The following RPS6KC1 variants were observed in gnomAD, a reference collection of about 807,000 sequenced individuals.
RPS6KC1 encodes inactive ribosomal protein S6 kinase delta-1.
In RPS6KC1, 54 loss-of-function variants were observed where a neutral mutation model predicts 103.8. The observed-to-expected ratio is 0.52, with a 90% CI of 0.42 to 0.65. The LOEUF is 0.65. RPS6KC1 is among the 30% of genes least tolerant of loss of function. The pLI, the probability that RPS6KC1 is intolerant of heterozygous loss-of-function variation, is 0.00. For synonymous variants in RPS6KC1, 439 were observed against 438.7 expected (o/e 1.00, Z -0.01); for missense variants, 1,151 against 1,253.8 (o/e 0.92, Z 1.24).
the RPS6KC1 span, among the ~76,000 whole-genome samples, chr1:213,752,251 A>G: frequency 6.6e-6 from 1 of 152,118 alleles, no homozygotes; most frequent in African/African-American, 2.4e-5. Context: ...GTTGACCTAG[A>G]CTAGGGTCGG....
At chr1:213,604,387 C>T in the RPS6KC1 span, among the ~76,000 whole-genome samples, 1 of 152,344 alleles carries the variant, frequency 6.6e-6, no homozygotes, top group Non-Finnish European at 1.5e-5. Flanking sequence ...ACGTATTAAT[C>T]CCCTATTTGT....
chr1:213,126,369 G>A (rs1224510442), intron 5 of RPS6KC1, among the ~76,000 whole-genome samples: 1 of 151,946 alleles, frequency 6.6e-6, no homozygotes, highest in South Asian at 2.1e-4. Context: ...TGAGATTGTC[G>A]GTTTAATGAA....
the RPS6KC1 span, among the ~76,000 whole-genome samples, chr1:213,589,590 C>T: frequency 5.3e-5 from 8 of 150,274 alleles, no homozygotes; most frequent in East Asian, 7.8e-4. Context: ...TGCAGTGAGC[C>T]GAGATTGCGC....
the RPS6KC1 span, among the ~76,000 whole-genome samples, chr1:213,339,995 C>CA: frequency 3.3e-5 from 5 of 152,196 alleles, no homozygotes; most frequent in East Asian, 3.9e-4. Context: ...TGGGTTCAAG[C>CA]AATTCTCCTG....
At chr1:213,476,640 T>C in the RPS6KC1 span, among the ~76,000 whole-genome samples, 1 of 152,200 alleles carries the variant, frequency 6.6e-6, no homozygotes, top group Non-Finnish European at 1.5e-5. Flanking sequence ...AGCTCACACA[T>C]GTTTTAACTC....
chr1:213,706,686 T>C, the RPS6KC1 span, among the ~76,000 whole-genome samples: 1 of 152,174 alleles, frequency 6.6e-6, no homozygotes, highest in Admixed American at 6.5e-5. Context: ...CTTCTAATGC[T>C]ATTCCTCCCC....
the RPS6KC1 span, among the ~76,000 whole-genome samples, chr1:213,357,997 G>A: frequency 6.6e-6 from 1 of 152,218 alleles, no homozygotes. Context: ...CTTGATCATG[G>A]TGGATAAGCT....
At chr1:213,743,578 T>A in the RPS6KC1 span, among the ~76,000 whole-genome samples, 5 of 152,184 alleles carry the variant, frequency 3.3e-5, no homozygotes, top group Non-Finnish European at 7.3e-5. Flanking sequence ...CTGACTTCAA[T>A]GCCATTTGTT....
the RPS6KC1 span, among the ~76,000 whole-genome samples, chr1:213,583,299 A>G: frequency 6.6e-6 from 1 of 152,220 alleles, no homozygotes; most frequent in African/African-American, 2.4e-5. Flanking sequence ...TGGGCTGCAT[A>G]GTAAGTGTTT....
the RPS6KC1 span, among the ~76,000 whole-genome samples, chr1:213,535,793 G>C: frequency 6.6e-6 from 1 of 152,128 alleles, no homozygotes; most frequent in African/African-American, 2.4e-5. Flanking sequence ...TCTTCCTGTG[G>C]CTCTCTTTTA....
At chr1:213,823,650 AT>A in the RPS6KC1 span, among the ~76,000 whole-genome samples, 1 of 150,988 alleles carries the variant, frequency 6.6e-6, no homozygotes, top group Non-Finnish European at 1.5e-5. Context: ...TGCCATTTCC[AT>A]TTTCTCCAGC....
At chr1:213,356,738 C>T in the RPS6KC1 span, among the ~76,000 whole-genome samples, 3 of 152,196 alleles carry the variant, frequency 2.0e-5, no homozygotes, top group Non-Finnish European at 4.4e-5. Context: ...CATCACTACA[C>T]CGGAAGCTGC....
chr1:213,568,288 A>G, the RPS6KC1 span, among the ~76,000 whole-genome samples: 1 of 152,106 alleles, frequency 6.6e-6, no homozygotes, highest in Non-Finnish European at 1.5e-5. Context: ...CTAGGATGTT[A>G]TTTGCTCTAC....
intron 12 of RPS6KC1, among the ~76,000 whole-genome samples, chr1:213,244,817 G>GCATTCAAAT (rs1266882748): frequency 6.6e-6 from 1 of 152,162 alleles, no homozygotes; most frequent in East Asian, 1.9e-4. Flanking sequence ...TCCTCTTCCA[G>GCATTCAAAT]GTTGTCCTTC....
At chr1:213,537,899 T>C in the RPS6KC1 span, among the ~76,000 whole-genome samples, 15 of 152,160 alleles carry the variant, frequency 9.9e-5, no homozygotes, top group Non-Finnish European at 8.8e-5. Flanking sequence ...CATGGTCACT[T>C]TTTGGCTTTC....
At chr1:213,689,408 A>G in the RPS6KC1 span, among the ~76,000 whole-genome samples, 2 of 152,218 alleles carry the variant, frequency 1.3e-5, no homozygotes, top group Non-Finnish European at 2.9e-5. Flanking sequence ...CAGCTGGCTG[A>G]AAGGGCGTGA....
chr1:213,793,561 G>C, the RPS6KC1 span, among the ~76,000 whole-genome samples: 2 of 152,066 alleles, frequency 1.3e-5, no homozygotes, highest in African/African-American at 4.8e-5. Flanking sequence ...ATTAGGCACC[G>C]AGCTGCCCAT....
the RPS6KC1 span, among the ~76,000 whole-genome samples, chr1:213,283,636 A>G: frequency 6.6e-6 from 1 of 152,116 alleles, no homozygotes; most frequent in African/African-American, 2.4e-5. Context: ...AGCTCGAGAT[A>G]GGGGGGATTA....
the RPS6KC1 span, among the ~76,000 whole-genome samples, chr1:213,515,267 C>A: frequency 3.3e-5 from 5 of 152,144 alleles, no homozygotes; most frequent in Non-Finnish European, 7.3e-5. Flanking sequence ...GCTTTTGTTG[C>A]TATTGCTTTT....
Sources: gnomAD v4.1 joint callset for allele counts (sites outside exome capture counted in the v4.1 genomes callset) on GRCh38, gnomAD v4.1.1 for gene constraint, MANE v1.5 for transcripts, NCBI Gene and HGNC (gene_info 2026-07-23, HGNC 2026-07-21) for gene names.